The following AATK variants were observed in gnomAD, a reference collection of about 807,000 sequenced individuals.
AATK encodes serine/threonine-protein kinase LMTK1.
In AATK, 91 loss-of-function variants were observed where a neutral mutation model predicts 114.3. That is an observed-to-expected ratio of 0.80 (90% CI 0.67 to 0.95). The LOEUF (loss-of-function observed/expected upper bound fraction) is 0.95. AATK is among the 40% of genes least tolerant of loss of function. The pLI is 0.00. For missense variants in AATK, 2,176 were observed against 1,965.2 expected, an observed-to-expected ratio of 1.11 and a Z score of -2.03; for synonymous variants, 1,075 against 916.5, an observed-to-expected ratio of 1.17 and a Z score of -3.12.
chr17:81,156,054 C>T (rs1031528888), intron 1 of AATK, among the ~76,000 whole-genome samples: 1 of 151,892 alleles, frequency 6.6e-6, no homozygotes, highest in East Asian at 1.9e-4. Flanking sequence ...ATGTATGTTA[C>T]CATGTTATAA....
intron 3 of AATK, among the ~76,000 whole-genome samples, chr17:81,129,406 C>T (rs11150771): frequency 0.3 from 45,923 of 152,040 alleles, 7,117 homozygotes; most frequent in Admixed American, 0.39. Context: ...GGGGTCCTGA[C>T]CATGGGTGCT....
rs539848049 is a variant in AATK at position 81,125,297 on chromosome 17, G to C, written c.756-283C>G. 9.3e-6 allele frequency: 7 copies of C among 749,142 alleles called. No individual in the cohort carries two copies. The East Asian group carries it at 1.3e-4, about 14-fold the overall frequency. 46.4% of individuals were successfully genotyped at this position (749,142 alleles called of 1,614,324 possible). A position where few individuals can be genotyped will look rare whatever the true frequency, so the allele number is the denominator to read the frequency against. On this transcript the variant is annotated intron_variant, in intron 7 of 13. Transcript: ENST00000326724. Reference sequence around the variant, plus strand: ...AGTGCAGAGGAGAATGGGGCCTAGAGAGGGTGAGAACCTGCCGGAACCCAC... The same window carrying C: ...AGTGCAGAGGAGAATGGGGCCTAGACAGGGTGAGAACCTGCCGGAACCCAC...
intron 1 of AATK, among the ~76,000 whole-genome samples, chr17:81,161,282 C>T (rs1328443313): frequency 1.3e-5 from 2 of 152,070 alleles, no homozygotes. Context: ...GGCACAGCGG[C>T]CCCAGGTGCT....
At chr17:81,147,443 A>C (rs1348716524) in intron 1 of AATK, among the ~76,000 whole-genome samples, 4 of 152,214 alleles carry the variant, frequency 2.6e-5, no homozygotes, top group African/African-American at 4.8e-5. Flanking sequence ...TATATCTGCA[A>C]AATAAGCCAT....
chr17:81,119,894 TG>T, intron 12 of AATK, 41 bp downstream of exon 12: 1 of 1,390,606 alleles, frequency 7.2e-7, no homozygotes, highest in Admixed American at 3.5e-5. Flanking sequence ...GACCAGGCCC[TG>T]CCTCCCGTGA....
At chr17:81,138,812 GCACACCCACGTGAGCGCACA>G (rs1437140734) in intron 1 of AATK, among the ~76,000 whole-genome samples, 1 of 146,326 alleles carries the variant, frequency 6.8e-6, no homozygotes, top group Non-Finnish European at 1.5e-5. Context: ...ACTTGCGCGT[GCACACCCACGTGAGCGCACA>G]CACACCCCCA....
At position 81,126,747 on chromosome 17, in the gene AATK, G is replaced by T; in HGVS notation, c.622-187C>A. ...TCCTGGAGGGGGGCCGTGTCCCCCAGGGCTGGGCTGGACTGAAGGCTTCCT... is the reference window on the plus strand; with the variant it reads ...TCCTGGAGGGGGGCCGTGTCCCCCATGGCTGGGCTGGACTGAAGGCTTCCT... On this transcript the variant is annotated intron_variant, in intron 6 of 13. Transcript: ENST00000326724. This position sits in a 1 kb window ranked among gnomAD's most constrained non-coding sequence, Gnocchi z 5.1. 7.1e-7 allele frequency: 1 copy of T among 1,415,080 alleles called. No homozygotes were observed. Among genetic ancestry groups the T allele is most frequent in the Non-Finnish European group, 9.2e-7 (1 of 1,086,808 alleles). The allele number at this position is 1,415,080 out of a possible 1,614,324, so 87.7% of individuals were successfully genotyped here. A position where few individuals can be genotyped will look rare whatever the true frequency, so the allele number is the denominator to read the frequency against.
chr17:81,157,312 C>T (rs951230036), intron 1 of AATK, among the ~76,000 whole-genome samples: 2 of 152,228 alleles, frequency 1.3e-5, no homozygotes, highest in African/African-American at 4.8e-5. Flanking sequence ...TCCGACACCG[C>T]GGGCACCGCA....
At position 81,125,632 on chromosome 17, in the gene AATK, C is replaced by T. The variant is rs572940291; in HGVS notation, c.756-618G>A. 2.6e-5 allele frequency among the ~76,000 whole-genome samples: 4 copies of T among 152,262 alleles called. 1 individual carries two copies. Among genetic ancestry groups the T allele is most frequent in the African/African-American group, 9.6e-5 (4 of 41,546 alleles). Reference sequence around the variant, plus strand: ...GCTTTGAACCCTGCCTGGCTGGTCACGTGGGTGTGAGGAGGCACAGGGTAC... The same window carrying T: ...GCTTTGAACCCTGCCTGGCTGGTCATGTGGGTGTGAGGAGGCACAGGGTAC... On this transcript the variant is annotated intron_variant, in intron 7 of 13. Transcript: ENST00000326724.
chr17:81,131,185 C>A lies in AATK; in HGVS notation c.210G>T (p.Gly70=). The change falls in exon 3 of 14, where the codon GGG becomes GGT. Residue 70 remains glycine, a synonymous_variant. Transcript: ENST00000326724. The part of the protein sequence containing the change: ...IGFKEFENAE[G]DEYAADLAQG... Reference sequence around the variant, plus strand: ...GCGCCAGGTCGGCTGCGTACTCGTCCCCCTCCGCATTCTCAAACTCCTGCG... The same window carrying A: ...GCGCCAGGTCGGCTGCGTACTCGTCACCCTCCGCATTCTCAAACTCCTGCG... 6.3e-7 allele frequency: 1 copy of A among 1,581,350 alleles called. No individual in the cohort carries two copies. Among genetic ancestry groups the A allele is most frequent in the East Asian group, 2.3e-5 (1 of 43,290 alleles).
intron 3 of AATK, among the ~76,000 whole-genome samples, chr17:81,130,699 A>G (rs1179482103): frequency 6.6e-6 from 1 of 151,968 alleles, no homozygotes; most frequent in African/African-American, 2.4e-5. Context: ...CATGTCCAGG[A>G]CCAGAGAGCC....
chr17:81,137,656 G>C (rs1255512412), intron 1 of AATK, among the ~76,000 whole-genome samples: 2 of 152,072 alleles, frequency 1.3e-5, no homozygotes, highest in Non-Finnish European at 2.9e-5. Flanking sequence ...TAACAATCCA[G>C]CACACAAATG....
At chr17:81,138,189 GCACA>G (rs372977695) in intron 1 of AATK, among the ~76,000 whole-genome samples, 21 of 140,662 alleles carry the variant, frequency 1.5e-4, no homozygotes, top group Non-Finnish European at 1.7e-4. Context: ...ACACATGCGT[GCACA>G]CACACACACA....
At chr17:81,160,259 G>A (rs1264680667) in intron 1 of AATK, 4 of 985,044 alleles carry the variant, frequency 4.1e-6, no homozygotes, top group African/African-American at 1.7e-5. Context: ...TCGCTCCCGC[G>A]TGGCTCTGAC....
intron 1 of AATK, among the ~76,000 whole-genome samples, chr17:81,140,257 AC>A (rs1449157267): frequency 6.6e-6 from 1 of 152,000 alleles, no homozygotes; most frequent in African/African-American, 2.4e-5. Context: ...CAGGGCCTTC[AC>A]CCCCACTTGC....
chr17:81,155,395 TA>T (rs68074292), intron 1 of AATK, among the ~76,000 whole-genome samples: 93,250 of 134,254 alleles, frequency 0.69, 29,929 homozygotes, highest in Admixed American at 0.74. Flanking sequence ...TTATTATTAT[TA>T]TTATTTTTTG....
chr17:81,127,741 G>A, intron 5 of AATK, 51 bp downstream of exon 5: 2 of 1,511,684 alleles, frequency 1.3e-6, no homozygotes, highest in South Asian at 1.2e-5. Context: ...AGCAGGGGAG[G>A]GAGAGGAGGG....
intron 7 of AATK, chr17:81,125,828 T>G (rs780724721): frequency 6.7e-6 from 3 of 444,988 alleles, no homozygotes; most frequent in Non-Finnish European, 9.4e-6. Context: ...TGGGTTGGGG[T>G]TGGGGGCAGG....
chr17:81,163,168 G>A (rs968016143), intron 1 of AATK, among the ~76,000 whole-genome samples: 3 of 152,148 alleles, frequency 2.0e-5, no homozygotes, highest in African/African-American at 4.8e-5. Context: ...TCCAGAAGCC[G>A]GAGCGAGGCG....
Sources: allele counts gnomAD v4.1 joint callset (sites outside exome capture counted in the v4.1 genomes callset), GRCh38; gene constraint gnomAD v4.1.1; non-coding constraint Gnocchi (gnomAD v3.1); transcripts MANE v1.5; gene names NCBI Gene and HGNC (gene_info 2026-07-23, HGNC 2026-07-21).